Variants in PPP2R1A observed in about 807,000 individuals in gnomAD.
PPP2R1A encodes the protein serine/threonine-protein phosphatase 2A 65 kDa regulatory subunit A alpha isoform.
In PPP2R1A, 15 loss-of-function variants were observed where a neutral mutation model predicts 67.1. The observed-to-expected ratio is 0.22, with a 90% CI of 0.15 to 0.34. The LOEUF (loss-of-function observed/expected upper bound fraction) is 0.34. PPP2R1A is among the 10% of genes least tolerant of loss of function. PPP2R1A has a pLI of 1.00. For missense variants in PPP2R1A, 369 were observed against 775.0 expected (o/e 0.48, Z 6.22); for synonymous variants, 337 against 325.0 (o/e 1.04, Z -0.40).
intron 3 of PPP2R1A, among the ~76,000 whole-genome samples, chr19:52,210,366 C>T (rs2089652551): frequency 6.6e-6 from 1 of 152,158 alleles, no homozygotes; most frequent in African/African-American, 2.4e-5. Context: ...ACATGAGATC[C>T]CAATTCAGTC....
chr19:52,224,934 C>G (rs190139273), intron 13 of PPP2R1A, among the ~76,000 whole-genome samples: 2 of 151,332 alleles, frequency 1.3e-5, no homozygotes, highest in Admixed American at 6.6e-5. Flanking sequence ...CTCCTGGCCT[C>G]AAGTGGTCTG....
At chr19:52,220,774 C>A (rs8100600) in intron 11 of PPP2R1A, among the ~76,000 whole-genome samples, 15,893 of 152,092 alleles carry the variant, frequency 0.1, 990 homozygotes, top group African/African-American at 0.17. Flanking sequence ...TGGAACCTAC[C>A]TCTTGGAGTG....
Position 52,216,501 on chromosome 19 carries a change from C to T in PPP2R1A, c.994-28C>T, listed in dbSNP as rs775644233. On this transcript the variant is annotated intron_variant, in intron 8 of 14. Coordinates refer to ENST00000322088, the MANE Select transcript of PPP2R1A (RefSeq NM_014225.6). This position sits in a 1 kb window ranked among gnomAD's most constrained non-coding sequence, Gnocchi z 4.3. Reference sequence around the variant, plus strand: ...TTGCTGCTGCAGGGGTTGCACTGACCCCTGTGCCTGCCTCTTCTCTCTCCC... The same window carrying T: ...TTGCTGCTGCAGGGGTTGCACTGACTCCTGTGCCTGCCTCTTCTCTCTCCC... The T allele has an allele frequency of 6.6e-5, 107 of 1,613,744 alleles. No individual in the cohort carries two copies. Among genetic ancestry groups the T allele is most frequent in the Non-Finnish European group, 1.5e-5 (18 of 1,179,962 alleles).
chr19:52,194,159 G>C (rs1331644928), intron 1 of PPP2R1A, among the ~76,000 whole-genome samples: 2 of 151,656 alleles, frequency 1.3e-5, no homozygotes, highest in Non-Finnish European at 2.9e-5. Flanking sequence ...ACCTGGGGCT[G>C]CTTTGTTAGA....
At chr19:52,224,583 T>A (rs889895032) in intron 13 of PPP2R1A, among the ~76,000 whole-genome samples, 1 of 152,142 alleles carries the variant, frequency 6.6e-6, no homozygotes, top group Non-Finnish European at 1.5e-5. Flanking sequence ...GACTTGGGGG[T>A]TCTGAGATTC....
chr19:52,209,941 G>A (rs377682729), intron 3 of PPP2R1A, among the ~76,000 whole-genome samples: 5 of 152,306 alleles, frequency 3.3e-5, no homozygotes, highest in African/African-American at 1.2e-4. Context: ...CCTTGGAGCT[G>A]GGGAGCACCT....
chr19:52,191,128 TG>T (rs1342498249), intron 1 of PPP2R1A: 1 of 152,318 alleles, frequency 6.6e-6, no homozygotes, highest in African/African-American at 2.4e-5. Context: ...CCCAAAGTGT[TG>T]GAATTACAGG....
chr19:52,220,988 T>C lies in PPP2R1A; in HGVS notation c.1373T>C (p.Ile458Thr). Residue 458 changes from isoleucine (I) to threonine (T), a missense_variant, in exon 12 of 15, where the codon ATC (isoleucine) becomes ACC (threonine). Coordinates refer to ENST00000322088, the MANE Select transcript of PPP2R1A (RefSeq NM_014225.6). ...MAWLVDHVYA[I>T]REAATSNLKK... ...CCTCACCCTTCTGCAGTATATGCCA[T>C]CCGCGAGGCAGCCACCAGCAACCTG... is the stretch of plus-strand genomic sequence containing the variant. 6.2e-7 allele frequency: 1 copy of C among 1,614,198 alleles called. No homozygotes were observed. The highest frequency in any genetic ancestry group is 1.1e-5 in the South Asian group (1 of 91,086).
intron 9 of PPP2R1A, among the ~76,000 whole-genome samples, chr19:52,218,977 A>C (rs751241863): frequency 2.0e-4 from 31 of 152,216 alleles, no homozygotes; most frequent in South Asian, 2.1e-4. Flanking sequence ...TAGATTTATA[A>C]ACTTTATATT....
At chr19:52,204,427 C>T (rs2089582047) in intron 2 of PPP2R1A, among the ~76,000 whole-genome samples, 1 of 152,076 alleles carries the variant, frequency 6.6e-6, no homozygotes, top group South Asian at 2.1e-4. Context: ...CAGGCGACAG[C>T]TAGTGATGAT....
In PPP2R1A at chr19:52,220,326, G is replaced by C. The variant is rs1170835758; in HGVS notation, c.1363+77G>C. Reference sequence around the variant, plus strand: ...GGATGGATTGGCTGGGGCTGTGGCGGGCAGTGGAGGAGGCTAGAGTCACTC... The same window carrying C: ...GGATGGATTGGCTGGGGCTGTGGCGCGCAGTGGAGGAGGCTAGAGTCACTC... On this transcript the variant is annotated intron_variant, in intron 11 of 14. Transcript: ENST00000322088. 9 of 1,508,418 alleles carry C rather than the reference G, an allele frequency of 6.0e-6. No individual in the cohort carries two copies. The East Asian group carries it at 1.4e-4, about 23-fold the overall frequency. The allele number at this position is 1,508,418 out of a possible 1,614,324, so 93.4% of individuals were successfully genotyped here.
chr19:52,210,481 CTT>C (rs1221408103), intron 3 of PPP2R1A, among the ~76,000 whole-genome samples: 1 of 139,734 alleles, frequency 7.2e-6, no homozygotes, highest in Non-Finnish European at 1.5e-5. Context: ...TCAGTTTTCT[CTT>C]CTTTTTTTTT....
intron 1 of PPP2R1A, 30 bp downstream of exon 1, chr19:52,190,204 A>G (rs79308790): frequency 3.2e-6 from 5 of 1,547,434 alleles, no homozygotes; most frequent in Non-Finnish European, 4.4e-6. Flanking sequence ...CTTGGGGAAG[A>G]CGCGGAGGGG....
rs1979283362 is a variant in PPP2R1A at position 52,226,640 on chromosome 19, G to A, written c.*659G>A. The A allele has an allele frequency of 5.5e-6, 1 of 180,492 alleles. No individual in the cohort carries two copies. The allele number at this position is 180,492 out of a possible 1,614,324, so 11.2% of individuals were successfully genotyped here. A position where few individuals can be genotyped will look rare whatever the true frequency, so the allele number is the denominator to read the frequency against. ...TCCTGTAGTGCAGTTCAGATTCATA[G>A]ATGTCGGCCGAGTATTTGGGGGGTT... On this transcript the variant is annotated 3_prime_UTR_variant, in exon 15 of 15. Transcript: ENST00000322088.
rs979257108 is a variant in PPP2R1A, at chr19:52,227,624, G to C, written c.*1643G>C. ...GTGGAAGGGAAATGTGGCTTTGAGT[G>C]ACAAGGTGATTTCACCAGCTCAGCC... On this transcript the variant is annotated 3_prime_UTR_variant, in exon 15 of 15. Transcript: ENST00000322088. The C allele has an allele frequency of 1.3e-5, 2 of 152,166 alleles. No homozygotes were observed. Among genetic ancestry groups the C allele is most frequent in the African/African-American group, 4.8e-5 (2 of 41,422 alleles). The allele number at this position is 152,166 out of a possible 1,614,324, so 9.4% of individuals were successfully genotyped here.
Position 52,226,857 on chromosome 19 carries a change from G to GT in PPP2R1A, c.*877dup. ...AAGTGAATTAGTACCTGGAAAGTGT[G>GT]TAACAGTTTCAACATGAGAAGTACA... On this transcript the variant is annotated 3_prime_UTR_variant, in exon 15 of 15. Coordinates refer to ENST00000322088, the MANE Select transcript of PPP2R1A (RefSeq NM_014225.6). 1 of 152,340 alleles carries GT rather than the reference G, an allele frequency of 6.6e-6. No homozygotes were observed. The highest frequency in any genetic ancestry group is 2.1e-4 in the South Asian group (1 of 4,828). 9.4% of individuals were successfully genotyped at this position (152,340 alleles called of 1,614,324 possible).
intron 3 of PPP2R1A, among the ~76,000 whole-genome samples, chr19:52,209,229 G>A (rs372411500): frequency 2.0e-4 from 30 of 152,230 alleles, no homozygotes; most frequent in South Asian, 4.2e-4. Context: ...AAGTTCCACC[G>A]GTAGTCACTT....
At chr19:52,200,311 G>A (rs1004358585) in intron 1 of PPP2R1A, 1 of 152,242 alleles carries the variant, frequency 6.6e-6, no homozygotes, top group Admixed American at 6.5e-5. Context: ...GCCTCGTGGT[G>A]ATGAAGAAAT....
intron 1 of PPP2R1A, chr19:52,191,238 A>G (rs965048694): frequency 6.6e-6 from 1 of 152,284 alleles, no homozygotes; most frequent in Non-Finnish European, 1.5e-5. Flanking sequence ...GAACAGTTAG[A>G]ACTGCAAGTC....
Sources: gnomAD v4.1 joint callset for allele counts (sites outside exome capture counted in the v4.1 genomes callset) on GRCh38, gnomAD v4.1.1 for gene constraint, Gnocchi (gnomAD v3.1) non-coding constraint, MANE v1.5 for transcripts, NCBI Gene and HGNC (gene_info 2026-07-23, HGNC 2026-07-21) for gene names.